RNF43: variants seen among roughly 807,000 people sequenced by gnomAD.
RNF43 encodes E3 ubiquitin-protein ligase RNF43.
In RNF43, 37 loss-of-function variants were observed where a neutral mutation model predicts 78.4. That is an observed-to-expected ratio of 0.47 (90% CI 0.36 to 0.62). The LOEUF (loss-of-function observed/expected upper bound fraction) is 0.62, where lower values mean the gene tolerates loss of function less well. RNF43 is among the 20% of genes least tolerant of loss of function. The probability of loss-of-function intolerance (pLI) is 0.00; values close to 1 mark genes in which losing one functional copy is unlikely to be tolerated. For missense variants in RNF43, 774 were observed against 1,007.9 expected (o/e 0.77, Z 3.14); for synonymous variants, 347 against 395.0 (o/e 0.88, Z 1.44).
intron 2 of RNF43, among the ~76,000 whole-genome samples, chr17:58,386,900 G>A (rs1050354370): frequency 4.6e-5 from 7 of 151,884 alleles, no homozygotes; most frequent in Non-Finnish European, 8.8e-5. Flanking sequence ...TGATCTTCCT[G>A]CCTTGGCCTC....
intron 2 of RNF43, among the ~76,000 whole-genome samples, chr17:58,372,389 T>C (rs564369941): frequency 1.3e-5 from 2 of 152,250 alleles, no homozygotes; most frequent in South Asian, 4.1e-4. Flanking sequence ...AGTCTGGTAG[T>C]GAGCAAGGTT....
intron 2 of RNF43, among the ~76,000 whole-genome samples, chr17:58,376,446 T>C (rs1013804309): frequency 1.3e-5 from 2 of 152,236 alleles, no homozygotes; most frequent in African/African-American, 4.8e-5. Context: ...ATACTCATTA[T>C]ACTTTTGTAT....
intron 2 of RNF43, among the ~76,000 whole-genome samples, chr17:58,378,280 T>C (rs2680707): frequency 0.85 from 129,227 of 152,184 alleles, 55,204 homozygotes; most frequent in East Asian, 1. Context: ...ATTTTTGAGA[T>C]AGGGTCTTGC....
intron 2 of RNF43, among the ~76,000 whole-genome samples, chr17:58,392,530 G>A (rs893915737): frequency 6.6e-6 from 1 of 152,204 alleles, no homozygotes; most frequent in Admixed American, 6.5e-5. Context: ...AAGTCAATAT[G>A]TAAGACAGTT....
intron 2 of RNF43, among the ~76,000 whole-genome samples, chr17:58,397,885 C>A (rs937606001): frequency 1.3e-5 from 2 of 152,108 alleles, no homozygotes; most frequent in African/African-American, 4.8e-5. Flanking sequence ...ATAACCCATA[C>A]CCTGTAGCTT....
chr17:58,410,085 A>T (rs115290151), intron 2 of RNF43, among the ~76,000 whole-genome samples: 2,175 of 151,568 alleles, frequency 0.014, 66 homozygotes, highest in African/African-American at 0.051. Flanking sequence ...CCAGGGACAT[A>T]TTTCATTCAT....
chr17:58,379,009 CT>C (rs1314925620), intron 2 of RNF43, among the ~76,000 whole-genome samples: 1 of 152,114 alleles, frequency 6.6e-6, no homozygotes, highest in Non-Finnish European at 1.5e-5. Context: ...CAAAATTTGT[CT>C]TTTACAGCTG....
intron 2 of RNF43, among the ~76,000 whole-genome samples, chr17:58,376,794 G>C (rs1198842998): frequency 1.3e-5 from 2 of 152,170 alleles, no homozygotes; most frequent in Non-Finnish European, 2.9e-5. Flanking sequence ...GAAGGGTGTG[G>C]CTGTGGAGGG....
intron 2 of RNF43, among the ~76,000 whole-genome samples, chr17:58,408,346 G>C (rs1973955823): frequency 6.6e-6 from 1 of 152,040 alleles, no homozygotes; most frequent in Admixed American, 6.5e-5. Flanking sequence ...CATTCTCAAA[G>C]GGGCCTGTGG....
At position 58,409,191 on chromosome 17, in the gene RNF43, C is replaced by T. The variant is rs192117602; in HGVS notation, c.252+6135G>A. 1.1e-4 allele frequency among the ~76,000 whole-genome samples: 16 copies of T among 152,282 alleles called. No individual in the cohort carries two copies. The East Asian group carries it at 2.9e-3, about 28-fold the overall frequency. ...TGCAACTTTGTTCTTAGATGATTTA[C>T]TTTCTTTCTCTTTCCCAATATATTT... On this transcript the variant is annotated intron_variant, in intron 2 of 9. Coordinates refer to ENST00000407977, the MANE Select transcript of RNF43 (RefSeq NM_017763.6).
chr17:58,352,521 G>C (rs1003304543), downstream of RNF43: 10 of 228,132 alleles, frequency 4.4e-5, no homozygotes, highest in Non-Finnish European at 6.9e-5. Context: ...CCTGGGCGTC[G>C]GTCCTGTTCC....
intron 3 of RNF43, among the ~76,000 whole-genome samples, chr17:58,366,637 G>A (rs1436180337): frequency 6.6e-6 from 1 of 152,192 alleles, no homozygotes; most frequent in Non-Finnish European, 1.5e-5. Flanking sequence ...ACTATTAGCT[G>A]TGAGACTTGG....
Position 58,357,239 on chromosome 17 carries a change from G to A in RNF43, c.2308+229C>T. The A allele has an allele frequency of 1.4e-6, 1 of 718,880 alleles. No individual in the cohort carries two copies. The highest frequency in any genetic ancestry group is 2.7e-5 in the East Asian group (1 of 37,338). The allele number at this position is 718,880 out of a possible 1,614,324, so 44.5% of individuals were successfully genotyped here. A position where few individuals can be genotyped will look rare whatever the true frequency, so the allele number is the denominator to read the frequency against. ...CCTCAGCCACACCAGCACCTCCCTG[G>A]GACCTCCCTGTGATCTGCCAACTAA... On this transcript the variant is annotated intron_variant, in intron 9 of 9. Coordinates refer to ENST00000407977, the MANE Select transcript of RNF43 (RefSeq NM_017763.6). This position sits in a 1 kb window ranked among gnomAD's most constrained non-coding sequence, Gnocchi z 4.5.
intron 2 of RNF43, among the ~76,000 whole-genome samples, chr17:58,372,128 A>T (rs1352993148): frequency 6.6e-6 from 1 of 152,194 alleles, no homozygotes; most frequent in Non-Finnish European, 1.5e-5. Context: ...TTCCAGAAAG[A>T]ACCATCAGAG....
At chr17:58,361,570 T>C (rs1260236498) in intron 6 of RNF43, among the ~76,000 whole-genome samples, 1 of 152,234 alleles carries the variant, frequency 6.6e-6, no homozygotes, top group Admixed American at 6.5e-5. Context: ...CTATTCTCAT[T>C]ACAACAGCAG....
chr17:58,393,107 T>C (rs909228356), intron 2 of RNF43, among the ~76,000 whole-genome samples: 1 of 152,224 alleles, frequency 6.6e-6, no homozygotes, highest in Non-Finnish European at 1.5e-5. Flanking sequence ...ACTTAATGAA[T>C]AGTAAATACA....
rs144076451 is a variant in RNF43, at chr17:58,366,558, G to A, written c.376-2958C>T. ...TGAAAGTTAAGGGTGAAAGGAAGGA[G>A]AAGGAATATAACCTTTATTGAGATC... is the stretch of plus-strand genomic sequence containing the variant. On this transcript the variant is annotated intron_variant, in intron 3 of 9. Transcript: ENST00000407977. Among the ~76,000 whole-genome samples, 3 of 152,320 alleles carry A rather than the reference G, an allele frequency of 2.0e-5. No homozygotes were observed. In the East Asian group the frequency reaches 5.8e-4, roughly 29 times the overall value.
intron 2 of RNF43, among the ~76,000 whole-genome samples, chr17:58,407,753 G>A (rs138884726): frequency 5.5e-4 from 84 of 152,246 alleles, no homozygotes; most frequent in Non-Finnish European, 9.6e-4. Flanking sequence ...CTTAAAGACT[G>A]GAAACTAAAG....
At chr17:58,402,187 G>T (rs1247381063) in intron 2 of RNF43, among the ~76,000 whole-genome samples, 1 of 152,188 alleles carries the variant, frequency 6.6e-6, no homozygotes. Flanking sequence ...AGGCTCAGAG[G>T]AAGAGTGCTC....
Sources: allele counts gnomAD v4.1 joint callset (sites outside exome capture counted in the v4.1 genomes callset), GRCh38; gene constraint gnomAD v4.1.1; non-coding constraint Gnocchi (gnomAD v3.1); transcripts MANE v1.5; gene names NCBI Gene and HGNC (gene_info 2026-07-23, HGNC 2026-07-21).